Variants in PDE4B observed in about 807,000 individuals in gnomAD.
The protein encoded by PDE4B is phosphodiesterase 4B.
PDE4B carries 20 observed loss-of-function variants against 82.2 expected under a neutral mutation model. That is an observed-to-expected ratio of 0.24 (90% CI 0.17 to 0.35). PDE4B has a LOEUF of 0.35. Among genes scored for constraint, PDE4B ranks in the 10% least tolerant of loss-of-function variants. The probability of loss-of-function intolerance (pLI) is 1.00; values close to 1 mark genes in which losing one functional copy is unlikely to be tolerated. For synonymous variants in PDE4B, 320 were observed against 318.9 expected, an observed-to-expected ratio of 1.00 and a Z score of -0.04; for missense variants, 655 against 907.2, an observed-to-expected ratio of 0.72 and a Z score of 3.57.
chr1:66,204,936 C>T (rs138891988), intron 3 of PDE4B, among the ~76,000 whole-genome samples: 10 of 152,200 alleles, frequency 6.6e-5, no homozygotes, highest in Admixed American at 3.9e-4. Flanking sequence ...TCTTCTGTGT[C>T]GCTCATGCTG....
chr1:66,179,688 G>C (rs1647019620), intron 3 of PDE4B, among the ~76,000 whole-genome samples: 1 of 152,180 alleles, frequency 6.6e-6, no homozygotes, highest in African/African-American at 2.4e-5. Flanking sequence ...GTCAATAAAT[G>C]ATTAATTAGC....
At chr1:66,267,862 T>A (rs1655169618) in intron 7 of PDE4B, among the ~76,000 whole-genome samples, 1 of 152,226 alleles carries the variant, frequency 6.6e-6, no homozygotes, top group South Asian at 2.1e-4. Flanking sequence ...TCAGCTTAAA[T>A]AAGTCAGGCA....
chr1:65,840,156 C>A (rs1164263211), intron 1 of PDE4B, among the ~76,000 whole-genome samples: 1 of 151,960 alleles, frequency 6.6e-6, no homozygotes, highest in African/African-American at 2.4e-5. Context: ...ATAAATACTT[C>A]TGTTTTATAT....
At chr1:66,331,902 G>T (rs1570707493) in intron 7 of PDE4B, 1 of 989,136 alleles carries the variant, frequency 1.0e-6, no homozygotes, top group East Asian at 1.1e-4. Context: ...AATAGCCTAT[G>T]CCTCTTACTT....
intron 3 of PDE4B, among the ~76,000 whole-genome samples, chr1:66,143,400 A>G (rs1168213837): frequency 6.6e-6 from 1 of 152,188 alleles, no homozygotes; most frequent in East Asian, 1.9e-4. Flanking sequence ...CAGGCGTTAC[A>G]TCTGGAATCC....
intron 1 of PDE4B, among the ~76,000 whole-genome samples, chr1:65,899,589 C>T (rs906567673): frequency 4.7e-5 from 7 of 147,940 alleles, no homozygotes; most frequent in Admixed American, 2.7e-4. Flanking sequence ...CATCAATCAA[C>T]TAGTGGATAA....
chr1:66,235,544 T>G (rs1396942870), intron 3 of PDE4B, among the ~76,000 whole-genome samples: 1 of 152,220 alleles, frequency 6.6e-6, no homozygotes, highest in Non-Finnish European at 1.5e-5. Context: ...GTTATCATAG[T>G]TTATCTTTTT....
chr1:65,941,046 G>A (rs1313720996), intron 3 of PDE4B, among the ~76,000 whole-genome samples: 1 of 151,984 alleles, frequency 6.6e-6, no homozygotes, highest in African/African-American at 2.4e-5. Flanking sequence ...TGCAGATAAA[G>A]TTAAAGGATG....
Position 66,116,722 on chromosome 1 carries a change from C to A in PDE4B, c.282-130738C>A, listed in dbSNP as rs548721761. On this transcript the variant is annotated intron_variant, in intron 3 of 16. Coordinates refer to ENST00000341517, the MANE Select transcript of PDE4B (RefSeq NM_002600.4). Reference sequence around the variant, plus strand: ...GGGATTACAGGCATGTGCCACCACACCCGGCTGATCTTTGTATTTTTTTGT... The same window carrying A: ...GGGATTACAGGCATGTGCCACCACAACCGGCTGATCTTTGTATTTTTTTGT... 2.0e-5 allele frequency among the ~76,000 whole-genome samples: 3 copies of A among 152,216 alleles called. No individual in the cohort carries two copies. The South Asian group carries it at 6.2e-4, about 32-fold the overall frequency.
chr1:65,923,208 G>T (rs1040698857), intron 3 of PDE4B, among the ~76,000 whole-genome samples: 4 of 152,096 alleles, frequency 2.6e-5, no homozygotes, highest in Non-Finnish European at 5.9e-5. Flanking sequence ...GTTTCTTCAG[G>T]CCCATAGGAA....
Position 65,968,780 on chromosome 1 carries a change from C to T in PDE4B, c.281+49945C>T, listed in dbSNP as rs548211887. 1.3e-4 allele frequency among the ~76,000 whole-genome samples: 20 copies of T among 152,146 alleles called. No individual in the cohort carries two copies. The East Asian group carries it at 2.9e-3, about 22-fold the overall frequency. On this transcript the variant is annotated intron_variant, in intron 3 of 16. Coordinates refer to ENST00000341517, the MANE Select transcript of PDE4B (RefSeq NM_002600.4). ...TAGTAACTTATGTTTTATTAACTCT[C>T]GTATTTTTAGAGTACCAGAGTAAAC...
chr1:66,281,052 G>A (rs1344541942), intron 7 of PDE4B, among the ~76,000 whole-genome samples: 1 of 152,166 alleles, frequency 6.6e-6, no homozygotes, highest in Non-Finnish European at 1.5e-5. Context: ...CTTATGGACT[G>A]GCCTTCCAAG....
intron 1 of PDE4B, among the ~76,000 whole-genome samples, chr1:65,795,791 C>G (rs956642212): frequency 2.0e-5 from 3 of 152,214 alleles, no homozygotes. Flanking sequence ...CTTCCCCATC[C>G]TTCCTCAGGT....
At chr1:66,356,602 A>G (rs1557723926) in intron 9 of PDE4B, among the ~76,000 whole-genome samples, 1 of 152,246 alleles carries the variant, frequency 6.6e-6, no homozygotes, top group Non-Finnish European at 1.5e-5. Flanking sequence ...ATGGCATTAA[A>G]TCAATGAGCA....
chr1:66,339,879 C>T (rs1660841108), intron 8 of PDE4B, among the ~76,000 whole-genome samples: 2 of 145,274 alleles, frequency 1.4e-5, no homozygotes, highest in South Asian at 4.3e-4. Flanking sequence ...ATGTCCGAGT[C>T]TAAAAGGCTC....
intron 3 of PDE4B, among the ~76,000 whole-genome samples, chr1:66,087,976 A>G (rs918003733): frequency 6.6e-6 from 1 of 151,826 alleles, no homozygotes; most frequent in Non-Finnish European, 1.5e-5. Context: ...TGTGTAACTA[A>G]CCTGCACATT....
At position 66,372,956 on chromosome 1, in the gene PDE4B, C is replaced by CAAAA; in HGVS notation, c.*279_*282dup. On this transcript the variant is annotated 3_prime_UTR_variant, in exon 17 of 17. Coordinates refer to ENST00000341517, the MANE Select transcript of PDE4B (RefSeq NM_002600.4). ...ACACATGGCTTGAAAATGGAAGACACAAAACTGAGAGATCATTCTGCACTA... is the reference window on the plus strand; with the variant it reads ...ACACATGGCTTGAAAATGGAAGACACAAAAAAAACTGAGAGATCATTCTGCACTA... 1 of 359,112 alleles carries CAAAA rather than the reference C, an allele frequency of 2.8e-6. No individual in the cohort carries two copies. Among genetic ancestry groups the CAAAA allele is most frequent in the Admixed American group, 4.1e-5 (1 of 24,128 alleles). 22.2% of individuals were successfully genotyped at this position (359,112 alleles called of 1,614,324 possible).
At chr1:65,959,354 T>A (rs1043431521) in intron 3 of PDE4B, among the ~76,000 whole-genome samples, 11 of 152,166 alleles carry the variant, frequency 7.2e-5, no homozygotes, top group South Asian at 2.1e-4. Context: ...TGAATTTTTT[T>A]AAATGGGCTT....
chr1:66,304,556 G>A (rs528762125), intron 7 of PDE4B, among the ~76,000 whole-genome samples: 6 of 152,066 alleles, frequency 3.9e-5, no homozygotes, highest in South Asian at 4.2e-4. Context: ...TTTTCCATGC[G>A]GATAATGCCA....
Sources: allele counts gnomAD v4.1 joint callset (sites outside exome capture counted in the v4.1 genomes callset), GRCh38; gene constraint gnomAD v4.1.1; transcripts MANE v1.5; gene names NCBI Gene and HGNC (gene_info 2026-07-23, HGNC 2026-07-21).